Variants in RERE observed in about 807,000 individuals in gnomAD.
RERE encodes the protein arginine-glutamic acid dipeptide repeats protein.
A neutral mutation model predicts 146.1 loss-of-function variants in RERE; 40 were observed. The observed-to-expected ratio is 0.27, with a 90% CI of 0.21 to 0.36. The LOEUF (loss-of-function observed/expected upper bound fraction) is 0.36, where lower values mean the gene tolerates loss of function less well. RERE is among the 10% of genes least tolerant of loss of function. The pLI is 1.00. For synonymous variants in RERE, 1,003 were observed against 866.0 expected, an observed-to-expected ratio of 1.16 and a Z score of -2.78; for missense variants, 1,933 against 2,138.7, an observed-to-expected ratio of 0.90 and a Z score of 1.90.
chr1:8,378,465 T>C (rs1185427855), intron 12 of RERE, among the ~76,000 whole-genome samples: 3 of 152,206 alleles, frequency 2.0e-5, no homozygotes, highest in Non-Finnish European at 4.4e-5. Flanking sequence ...TCAATGTGAC[T>C]TTATTTGGAG....
intron 1 of RERE, among the ~76,000 whole-genome samples, chr1:8,739,553 T>TA (rs1640266330): frequency 6.6e-6 from 1 of 152,302 alleles, no homozygotes; most frequent in African/African-American, 2.4e-5. Flanking sequence ...CAGCACCCTC[T>TA]ACTGACAAAA....
intron 1 of RERE, among the ~76,000 whole-genome samples, chr1:8,672,164 C>T (rs1369031589): frequency 2.0e-5 from 3 of 151,960 alleles, no homozygotes; most frequent in Non-Finnish European, 4.4e-5. Context: ...AATCTCACTC[C>T]GGAAATATAT....
chr1:8,402,157 G>A (rs1233079154), intron 12 of RERE, among the ~76,000 whole-genome samples: 2 of 152,192 alleles, frequency 1.3e-5, no homozygotes, highest in African/African-American at 4.8e-5. Context: ...GTGAGCCGCT[G>A]CGCCCGGCCA....
chr1:8,469,984 T>G (rs550018633), intron 10 of RERE, among the ~76,000 whole-genome samples: 2 of 152,196 alleles, frequency 1.3e-5, no homozygotes, highest in Non-Finnish European at 2.9e-5. Context: ...CAAAACTTTA[T>G]TTCAGATGGC....
At chr1:8,504,269 G>C (rs1457617186) in intron 8 of RERE, among the ~76,000 whole-genome samples, 1 of 152,078 alleles carries the variant, frequency 6.6e-6, no homozygotes, top group Non-Finnish European at 1.5e-5. Context: ...TATAAGGTGA[G>C]GCAGTAAAAT....
chr1:8,381,842 G>A (rs1473016092), intron 12 of RERE, among the ~76,000 whole-genome samples: 13 of 152,216 alleles, frequency 8.5e-5, no homozygotes. Flanking sequence ...ACAAATCTAT[G>A]ATGAAACCAC....
intron 12 of RERE, among the ~76,000 whole-genome samples, chr1:8,410,198 C>T (rs1643574080): frequency 6.6e-6 from 1 of 152,018 alleles, no homozygotes; most frequent in Non-Finnish European, 1.5e-5. Context: ...GAGGGCTGGG[C>T]AGGGGAGGGG....
intron 8 of RERE, among the ~76,000 whole-genome samples, chr1:8,507,737 CTT>C (rs58647657): frequency 1.0e-4 from 9 of 85,946 alleles, no homozygotes; most frequent in African/African-American, 4.0e-4. Context: ...CATCTTTTAT[CTT>C]TTTTTTTTTT....
intron 1 of RERE, among the ~76,000 whole-genome samples, chr1:8,665,885 T>C (rs1184028583): frequency 1.3e-5 from 2 of 152,134 alleles, no homozygotes; most frequent in African/African-American, 4.8e-5. Context: ...GAAAAACATA[T>C]GAAAGCCAGG....
At chr1:8,521,634 C>A (rs1399074982) in intron 7 of RERE, among the ~76,000 whole-genome samples, 2 of 152,124 alleles carry the variant, frequency 1.3e-5, no homozygotes, top group African/African-American at 4.8e-5. Flanking sequence ...CTAATCTTTA[C>A]AAAAACTGTA....
intron 1 of RERE, among the ~76,000 whole-genome samples, chr1:8,739,059 A>C (rs1346700861): frequency 6.6e-6 from 1 of 152,250 alleles, no homozygotes; most frequent in Non-Finnish European, 1.5e-5. Flanking sequence ...ATCAGGAGAA[A>C]GAAACTACAT....
intron 19 of RERE, among the ~76,000 whole-genome samples, chr1:8,359,519 T>G (rs184462583): frequency 2.9e-4 from 44 of 152,290 alleles, no homozygotes; most frequent in African/African-American, 1.0e-3. Context: ...TCGAAGGCCC[T>G]CCGGTAGGAG....
At chr1:8,604,188 C>T (rs973449450) in intron 4 of RERE, among the ~76,000 whole-genome samples, 2 of 152,068 alleles carry the variant, frequency 1.3e-5, no homozygotes, top group East Asian at 3.9e-4. Flanking sequence ...GTCACCTGAT[C>T]GTACAACTAG....
intron 1 of RERE, among the ~76,000 whole-genome samples, chr1:8,691,067 T>C (rs556787834): frequency 6.6e-6 from 1 of 152,160 alleles, no homozygotes; most frequent in African/African-American, 2.4e-5. Flanking sequence ...CCAGCTAATC[T>C]TTGTATTTTT....
chr1:8,648,927 T>C (rs1197485827), intron 2 of RERE, among the ~76,000 whole-genome samples: 1 of 149,154 alleles, frequency 6.7e-6, no homozygotes, highest in Non-Finnish European at 1.5e-5. Context: ...AAAAAAAAAA[T>C]ACATTTCATT....
chr1:8,513,255 TAAC>T (rs1230929297), intron 7 of RERE, among the ~76,000 whole-genome samples: 3 of 152,220 alleles, frequency 2.0e-5, no homozygotes, highest in East Asian at 1.9e-4. Flanking sequence ...GCCCATTACA[TAAC>T]AATATACATA....
chr1:8,713,763 A>G (rs1257831007), intron 1 of RERE, among the ~76,000 whole-genome samples: 1 of 152,150 alleles, frequency 6.6e-6, no homozygotes, highest in African/African-American at 2.4e-5. Context: ...AATAATAATA[A>G]TAGTAATTGC....
At chr1:8,526,849 G>C (rs533236113) in intron 7 of RERE, among the ~76,000 whole-genome samples, 1 of 152,246 alleles carries the variant, frequency 6.6e-6, no homozygotes, top group South Asian at 2.1e-4. Context: ...AGAAATCCTA[G>C]CTTTGGATGT....
intron 1 of RERE, among the ~76,000 whole-genome samples, chr1:8,802,394 A>G (rs1237238390): frequency 2.0e-5 from 3 of 152,242 alleles, no homozygotes; most frequent in Non-Finnish European, 4.4e-5. Context: ...TAAAAAGAAA[A>G]TTGAAACACA....
Sources: allele counts gnomAD v4.1 joint callset (sites outside exome capture counted in the v4.1 genomes callset), GRCh38; gene constraint gnomAD v4.1.1; transcripts MANE v1.5; gene names NCBI Gene and HGNC (gene_info 2026-07-23, HGNC 2026-07-21).